SSC5D: variants seen among roughly 807,000 people sequenced by gnomAD.
SSC5D encodes scavenger receptor cysteine rich family member with 5 domains, also known as soluble scavenger receptor cysteine-rich domain-containing protein SSC5D.
Under a neutral mutation model 104.6 loss-of-function variants are expected in SSC5D, and 106 were observed. That is an observed-to-expected ratio of 1.01 (90% confidence interval 0.87 to 1.19). SSC5D has a LOEUF of 1.19. SSC5D is among the 50% of genes most tolerant of loss of function. The pLI is 0.00. For synonymous variants in SSC5D, 860 were observed against 883.5 expected, an observed-to-expected ratio of 0.97 and a Z score of 0.47; for missense variants, 1,993 against 2,153.8, an observed-to-expected ratio of 0.93 and a Z score of 1.48.
intron 13 of SSC5D, among the ~76,000 whole-genome samples, chr19:55,515,625 G>A (rs969306131): frequency 6.6e-6 from 1 of 151,680 alleles, no homozygotes; most frequent in Non-Finnish European, 1.5e-5. Context: ...CCAGCTTCTC[G>A]GGAGGCTGAG....
rs762472011 is a variant in SSC5D, at chr19:55,493,902, C to G, written c.1203C>G (p.Ala401=). ...HDCHHREDAG[A]VCDGMPLGYV... is the part of the protein sequence containing the mutation. ...GTCACCACCGCGAGGACGCCGGGGCCGTGTGTGACGGTGAGGGGGTTGTGG... is the reference window on the plus strand; with the variant it reads ...GTCACCACCGCGAGGACGCCGGGGCGGTGTGTGACGGTGAGGGGGTTGTGG... The change falls in exon 7 of 14, where the codon GCC becomes GCG. Residue 401 remains alanine (A), a synonymous_variant. Coordinates refer to ENST00000389623, the MANE Select transcript of SSC5D (RefSeq NM_001144950.2). The G allele has an allele frequency of 2.1e-6, 3 of 1,402,856 alleles. No individual in the cohort carries two copies. The highest frequency in any genetic ancestry group is 1.2e-5 in the South Asian group (1 of 82,460). 86.9% of individuals were successfully genotyped at this position (1,402,856 alleles called of 1,614,324 possible). A position where few individuals can be genotyped will look rare whatever the true frequency, so the allele number is the denominator to read the frequency against.
intron 8 of SSC5D, 137 bp downstream of exon 8, chr19:55,494,920 C>A: frequency 1.9e-6 from 2 of 1,027,480 alleles, no homozygotes; most frequent in Non-Finnish European, 2.7e-6. Context: ...GCCCAGGACA[C>A]TGAGCTGGGT....
At position 55,493,861 on chromosome 19, in the gene SSC5D, T is replaced by A; in HGVS notation, c.1162T>A (p.Trp388Arg). The change falls in exon 7 of 14, where the codon TGG becomes AGG. Residue 388 changes from tryptophan to arginine, a missense_variant. Physicochemically the swap from Trp to Arg is moderately radical, Grantham distance 101. Coordinates refer to ENST00000389623, the MANE Select transcript of SSC5D (RefSeq NM_001144950.2). ...CTTACGATTCTGCCCAGCTCGGCCC[T>A]GGGGCCAGCATGACTGTCACCACCG... ...TALRFCPARP[W>R]GQHDCHHRED... 1.3e-6 allele frequency: 2 copies of A among 1,548,902 alleles called. No homozygotes were observed. The highest frequency in any genetic ancestry group is 1.7e-6 in the Non-Finnish European group (2 of 1,146,620).
chr19:55,495,229 A>ATTTTTTT, intron 8 of SSC5D, among the ~76,000 whole-genome samples: 1 of 24,998 alleles, frequency 4.0e-5, no homozygotes, highest in Non-Finnish European at 7.7e-5. Flanking sequence ...ATATATATAT[A>ATTTTTTT]TATATTTTTT....
At chr19:55,513,301 G>C (rs1987799570) in intron 13 of SSC5D, 129 bp downstream of exon 13, 1 of 1,007,438 alleles carries the variant, frequency 9.9e-7, no homozygotes, top group Non-Finnish European at 1.4e-6. Flanking sequence ...AAAACAAAGG[G>C]TTATCGGCTG....
chr19:55,490,809 CGGACGCCT>C lies in SSC5D; in HGVS notation c.628_635del (p.Arg210GlyfsTer12). The C allele has an allele frequency of 4.5e-6, 7 of 1,545,566 alleles. No individual in the cohort carries two copies. Among genetic ancestry groups the C allele is most frequent in the Non-Finnish European group, 5.2e-6 (6 of 1,145,262 alleles). On this transcript the variant is annotated frameshift_variant, in exon 6 of 14. Coordinates refer to ENST00000389623, the MANE Select transcript of SSC5D (RefSeq NM_001144950.2). LOFTEE classifies it high-confidence loss of function. ...TGGTCTCTGGCCCCCACAGGTGCGC[CGGACGCCT>C]GGAGGTCTGGCACGGCGGGCGCTGG...
Position 55,500,929 on chromosome 19 carries a change from A to G in SSC5D, c.2618-105A>G. On this transcript the variant is annotated intron_variant, in intron 11 of 13. Coordinates refer to ENST00000389623, the MANE Select transcript of SSC5D (RefSeq NM_001144950.2). This position sits in a 1 kb window ranked among gnomAD's most constrained non-coding sequence, Gnocchi z 4.6. ...CTGGGTATGAGGGGTCGGGGTGGGG[A>G]GATCCCAGAGTTGCTCCAGAAGATT... is the stretch of plus-strand genomic sequence containing the variant. 1.3e-6 allele frequency: 2 copies of G among 1,511,456 alleles called. No individual in the cohort carries two copies. Among genetic ancestry groups the G allele is most frequent in the Non-Finnish European group, 1.8e-6 (2 of 1,119,640 alleles). The allele number at this position is 1,511,456 out of a possible 1,614,324, so 93.6% of individuals were successfully genotyped here. A position where few individuals can be genotyped will look rare whatever the true frequency, so the allele number is the denominator to read the frequency against.
intron 12 of SSC5D, among the ~76,000 whole-genome samples, chr19:55,504,779 G>A (rs1262017404): frequency 1.3e-5 from 2 of 152,150 alleles, no homozygotes; most frequent in Non-Finnish European, 2.9e-5. Flanking sequence ...TTACAGGTGT[G>A]AGCCACCGCG....
At chr19:55,494,949 G>A (rs1324425730) in intron 8 of SSC5D, among the ~76,000 whole-genome samples, 166 bp downstream of exon 8, 3 of 152,074 alleles carry the variant, frequency 2.0e-5, no homozygotes, top group Non-Finnish European at 2.9e-5. Context: ...CTGCTGTTGC[G>A]TCTGGGAGCG....
chr19:55,488,559 T>C lies in SSC5D; in HGVS notation c.-31T>C. The stretch of plus-strand genomic sequence containing the variant: ...TCTTCTCTCCCCGCTCTCCTTCCCC[T>C]TTCACCCCATCCCCTGCCCTGGCTG... On this transcript the variant is annotated 5_prime_UTR_variant, in exon 1 of 14. Transcript: ENST00000389623. 2 of 1,496,342 alleles carry C rather than the reference T, an allele frequency of 1.3e-6. No homozygotes were observed. Among genetic ancestry groups the C allele is most frequent in the Non-Finnish European group, 1.8e-6 (2 of 1,110,132 alleles). The allele number at this position is 1,496,342 out of a possible 1,614,324, so 92.7% of individuals were successfully genotyped here.
intron 5 of SSC5D, 128 bp from the exon 6 acceptor site, chr19:55,490,644 A>G (rs1022560133): frequency 5.9e-5 from 67 of 1,143,404 alleles, no homozygotes; most frequent in Non-Finnish European, 6.8e-5. Flanking sequence ...TCACCTCTTC[A>G]CGGGCTGCCG....
chr19:55,494,823 CTTCT>C (rs749590063), intron 8 of SSC5D, 40 bp downstream of exon 8: 8 of 1,494,230 alleles, frequency 5.4e-6, no homozygotes, highest in African/African-American at 2.8e-5. Flanking sequence ...AGGGTCCTTC[CTTCT>C]GTTTCCTTCC....
In SSC5D at chr19:55,490,378, C is replaced by A. The variant is rs888467688; in HGVS notation, c.556C>A (p.Pro186Thr). ...RPKQAKSTRAPLLTTGAPRQE... is the reference protein window; with the variant it reads ...RPKQAKSTRATLLTTGAPRQE... Reference sequence around the variant, plus strand: ...CAAGCAGGCCAAGTCCACCCGGGCCCCTCTGCTGACGACAGGAGCCCCCCG... The same window carrying A: ...CAAGCAGGCCAAGTCCACCCGGGCCACTCTGCTGACGACAGGAGCCCCCCG... The change falls in exon 5 of 14, where the codon CCT (proline) becomes ACT (threonine). Residue 186 changes from proline to threonine, a missense_variant. Physicochemically the swap from Pro to Thr is conservative, Grantham distance 38. Transcript: ENST00000389623. 116 of 1,509,816 alleles carry A rather than the reference C, an allele frequency of 7.7e-5. No individual in the cohort carries two copies. Among genetic ancestry groups the A allele is most frequent in the Non-Finnish European group, 1.0e-4 (114 of 1,116,804 alleles). The allele number at this position is 1,509,816 out of a possible 1,614,324, so 93.5% of individuals were successfully genotyped here.
chr19:55,504,179 C>T lies in SSC5D; in HGVS notation c.2785+2978C>T, dbSNP rs1359178228. Reference sequence around the variant, plus strand: ...TCAAGGACTGCCAGGGTTGCAGCGCCTCCCTAGCCCATAGCGCCCCCTCGT... The same window carrying T: ...TCAAGGACTGCCAGGGTTGCAGCGCTTCCCTAGCCCATAGCGCCCCCTCGT... On this transcript the variant is annotated intron_variant, in intron 12 of 13. Coordinates refer to ENST00000389623, the MANE Select transcript of SSC5D (RefSeq NM_001144950.2). The T allele has an allele frequency of 7.2e-6, 11 of 1,535,000 alleles. No individual in the cohort carries two copies. In the African/African-American group the frequency reaches 1.1e-4, roughly 15 times the overall value.
rs1281269866 is a variant in SSC5D, at chr19:55,517,881, C to A, written c.3605C>A (p.Thr1202Asn). 1 of 1,541,078 alleles carries A rather than the reference C, an allele frequency of 6.5e-7. No homozygotes were observed. The highest frequency in any genetic ancestry group is 2.5e-5 in the East Asian group (1 of 40,280). Residue 1202 changes from threonine (T) to asparagine (N), a missense_variant, in exon 14 of 14, where the codon ACC becomes AAC. Physicochemically the swap from Thr to Asn is moderately conservative, Grantham distance 65. Transcript: ENST00000389623. Reference sequence around the variant, plus strand: ...ACCATGATTCCTGACCCCACCACAACCCCTCAACCCTTCACCACCATCACT... The same window carrying A: ...ACCATGATTCCTGACCCCACCACAAACCCTCAACCCTTCACCACCATCACT... Reference protein sequence around the residue: ...HSTMIPDPTTTPQPFTTITHS... With the variant: ...HSTMIPDPTTNPQPFTTITHS...
chr19:55,495,899 C>CT (rs1459703116), intron 8 of SSC5D, among the ~76,000 whole-genome samples: 7 of 129,510 alleles, frequency 5.4e-5, no homozygotes, highest in Non-Finnish European at 1.6e-5. Flanking sequence ...CCGAGCCTGG[C>CT]TATTTTTTTT....
Position 55,518,381 on chromosome 19 carries a change from A to C in SSC5D, c.4105A>C (p.Thr1369Pro). 1 of 1,550,422 alleles carries C rather than the reference A, an allele frequency of 6.4e-7. No individual in the cohort carries two copies. The highest frequency in any genetic ancestry group is 8.7e-7 in the Non-Finnish European group (1 of 1,146,662). Reference sequence around the variant, plus strand: ...CAGTCTGCACCCCCAGTTGACCTTCACAGCACCTGCCCCTCACACCTCCAC... The same window carrying C: ...CAGTCTGCACCCCCAGTTGACCTTCCCAGCACCTGCCCCTCACACCTCCAC... The part of the protein sequence containing the change: ...KPSLHPQLTF[T>P]APAPHTSTSQ... Residue 1369 changes from threonine (T) to proline (P), a missense_variant, in exon 14 of 14, where the codon ACA becomes CCA. This residue lies in a region of SSC5D where 349 missense variants were observed against 397.6 expected (regional missense o/e 0.88). Transcript: ENST00000389623.
chr19:55,509,742 C>T (rs1201862390), intron 12 of SSC5D, among the ~76,000 whole-genome samples: 3 of 149,578 alleles, frequency 2.0e-5, no homozygotes, highest in African/African-American at 7.4e-5. Flanking sequence ...GCCTGTAATC[C>T]CAGCTACTAG....
At chr19:55,501,604 G>C (rs1438277499) in intron 12 of SSC5D, among the ~76,000 whole-genome samples, 2 of 152,146 alleles carry the variant, frequency 1.3e-5, no homozygotes, top group Non-Finnish European at 2.9e-5. Context: ...GCCTGGTATG[G>C]CTCAGAGGTG....
Sources: gnomAD v4.1 joint callset for allele counts (sites outside exome capture counted in the v4.1 genomes callset) on GRCh38, gnomAD v4.1.1 for gene constraint, gnomAD v4.1.1 regional missense constraint, Gnocchi (gnomAD v3.1) non-coding constraint, MANE v1.5 for transcripts, NCBI Gene and HGNC (gene_info 2026-07-23, HGNC 2026-07-21) for gene names.